Variants in CSMD2 observed in about 807,000 individuals in gnomAD.
CSMD2 encodes the protein CUB and Sushi multiple domains 2, also known as CUB and sushi domain-containing protein 2.
A neutral mutation model predicts 398.5 loss-of-function variants in CSMD2; 130 were observed. That is an observed-to-expected ratio of 0.33 (90% CI 0.28 to 0.38). The LOEUF is 0.38. Among genes scored for constraint, CSMD2 ranks in the 10% least tolerant of loss-of-function variants. The pLI is 1.00. For missense variants in CSMD2, 3,829 were observed against 4,764.9 expected (o/e 0.80, Z 5.78); for synonymous variants, 1,828 against 1,908.5 (o/e 0.96, Z 1.10).
chr1:34,148,308 T>C (rs1468387318), intron 1 of CSMD2, among the ~76,000 whole-genome samples: 1 of 152,186 alleles, frequency 6.6e-6, no homozygotes, highest in Admixed American at 6.5e-5. Flanking sequence ...AGAGCAACTA[T>C]CTCATTGCTC....
chr1:33,993,109 T>C (rs946354575), intron 3 of CSMD2, among the ~76,000 whole-genome samples: 9 of 152,168 alleles, frequency 5.9e-5, no homozygotes, highest in African/African-American at 2.2e-4. Flanking sequence ...TATATGTCTG[T>C]GTCTATGTAT....
intron 60 of CSMD2, among the ~76,000 whole-genome samples, chr1:33,540,138 G>GA (rs1008691303): frequency 5.9e-5 from 9 of 151,958 alleles, no homozygotes; most frequent in Admixed American, 2.0e-4. Context: ...CAACTCACCA[G>GA]AAAATCACAG....
At chr1:33,680,589 T>G (rs1269188990) in intron 25 of CSMD2, among the ~76,000 whole-genome samples, 1 of 152,222 alleles carries the variant, frequency 6.6e-6, no homozygotes, top group Non-Finnish European at 1.5e-5. Flanking sequence ...GTAGCACTTC[T>G]GTGCTCTGGG....
intron 49 of CSMD2, among the ~76,000 whole-genome samples, chr1:33,573,070 T>A (rs1268553809): frequency 2.4e-4 from 36 of 152,182 alleles, no homozygotes; most frequent in Admixed American, 2.1e-3. Flanking sequence ...TTAGGATGAA[T>A]TAGGGCTGTT....
rs142035256 is a variant in CSMD2 at position 33,577,486 on chromosome 1, T to C, written c.7388-2A>G. On this transcript the variant is annotated splice_acceptor_variant, in intron 48 of 70. Coordinates refer to ENST00000373381, the MANE Select transcript of CSMD2 (RefSeq NM_001281956.2). LOFTEE classifies it high-confidence loss of function. ...CCCTGGGCAGGCTGCAGTAAGGGGCTGAACAACAAGATGAGGTTCAGGGAA... is the reference window on the plus strand; with the variant it reads ...CCCTGGGCAGGCTGCAGTAAGGGGCCGAACAACAAGATGAGGTTCAGGGAA... The C allele has an allele frequency of 6.2e-7, 1 of 1,604,148 alleles. No homozygotes were observed. Among genetic ancestry groups the C allele is most frequent in the African/African-American group, 1.3e-5 (1 of 74,756 alleles).
intron 1 of CSMD2, among the ~76,000 whole-genome samples, chr1:34,107,366 A>G (rs1357506799): frequency 6.6e-6 from 1 of 152,112 alleles, no homozygotes; most frequent in African/African-American, 2.4e-5. Context: ...TATAATAATA[A>G]TAATATATTA....
intron 13 of CSMD2, among the ~76,000 whole-genome samples, chr1:33,755,347 T>G (rs1648836820): frequency 6.6e-6 from 1 of 152,218 alleles, no homozygotes; most frequent in South Asian, 2.1e-4. Flanking sequence ...AAGTTATCAT[T>G]TAACTATGTT....
chr1:33,645,460 A>C (rs1308532679), intron 29 of CSMD2, among the ~76,000 whole-genome samples: 1 of 152,112 alleles, frequency 6.6e-6, no homozygotes, highest in Non-Finnish European at 1.5e-5. Context: ...TATTACTAGC[A>C]ACAATTTGTA....
intron 65 of CSMD2, among the ~76,000 whole-genome samples, 174 bp from the exon 66 acceptor site, chr1:33,525,217 G>T (rs977087381): frequency 2.6e-5 from 4 of 152,152 alleles, no homozygotes; most frequent in Non-Finnish European, 2.9e-5. Context: ...TCTCAGAGTG[G>T]ATGGATAGAG....
At position 33,930,836 on chromosome 1, in the gene CSMD2, C is replaced by T. The variant is rs76728189; in HGVS notation, c.712+4924G>A. 1.9e-3 allele frequency among the ~76,000 whole-genome samples: 288 copies of T among 152,328 alleles called. 2 individuals are homozygous for T. The highest frequency in any genetic ancestry group is 3.0e-3 in the Non-Finnish European group (201 of 68,032). ...TCAGCTGGACCAAGCCTTGATGGGT[C>T]AGGATCTTTGGGATGGGCCTCCTTG... On this transcript the variant is annotated intron_variant, in intron 4 of 70. Coordinates refer to ENST00000373381, the MANE Select transcript of CSMD2 (RefSeq NM_001281956.2).
intron 3 of CSMD2, among the ~76,000 whole-genome samples, chr1:33,997,236 G>A (rs976674689): frequency 3.9e-5 from 6 of 152,218 alleles, no homozygotes; most frequent in Non-Finnish European, 8.8e-5. Context: ...GAGCTGCAGA[G>A]GCTGGGATCA....
chr1:33,769,274 C>T (rs1193862076), intron 13 of CSMD2, among the ~76,000 whole-genome samples: 1 of 152,222 alleles, frequency 6.6e-6, no homozygotes, highest in Non-Finnish European at 1.5e-5. Context: ...AGCTTTCCCA[C>T]CATGACAGCC....
At chr1:34,076,928 A>AAAATATATAT (rs1232288848) in intron 2 of CSMD2, among the ~76,000 whole-genome samples, 9 of 53,592 alleles carry the variant, frequency 1.7e-4, no homozygotes, top group Non-Finnish European at 2.6e-4. Flanking sequence ...AAAAAAAAAA[A>AAAATATATAT]ATATATATAT....
intron 3 of CSMD2, among the ~76,000 whole-genome samples, chr1:34,013,713 G>A (rs990816234): frequency 6.6e-6 from 1 of 152,190 alleles, no homozygotes; most frequent in Non-Finnish European, 1.5e-5. Context: ...GGGGCAAAGG[G>A]CACTCTCTGA....
intron 26 of CSMD2, among the ~76,000 whole-genome samples, chr1:33,662,236 AG>A (rs1644161275): frequency 6.6e-6 from 1 of 152,020 alleles, no homozygotes; most frequent in African/African-American, 2.4e-5. Context: ...GTTCACTTCC[AG>A]TCTTTGCTGA....
intron 32 of CSMD2, among the ~76,000 whole-genome samples, chr1:33,630,782 AG>A (rs1642421817): frequency 1.3e-5 from 2 of 152,226 alleles, no homozygotes; most frequent in African/African-American, 4.8e-5. Flanking sequence ...CCATATTCTT[AG>A]GGGAAAAGAA....
At chr1:34,165,792 G>A (rs772682510), upstream of CSMD2, 8 of 1,613,910 alleles carry the variant, frequency 5.0e-6, no homozygotes, top group African/African-American at 2.7e-5. Context: ...CTAGGGCCGG[G>A]GGCGATGCTT....
At chr1:33,529,719 T>C (rs1244732374) in intron 64 of CSMD2, among the ~76,000 whole-genome samples, 1 of 152,240 alleles carries the variant, frequency 6.6e-6, no homozygotes, top group African/African-American at 2.4e-5. Flanking sequence ...TGACCTTGGA[T>C]GTATCACAGT....
chr1:34,106,472 A>C (rs2148428289), intron 1 of CSMD2, among the ~76,000 whole-genome samples: 1 of 152,328 alleles, frequency 6.6e-6, no homozygotes. Flanking sequence ...TAGCAATGGA[A>C]AAGCTGAGAT....
Sources: allele counts gnomAD v4.1 joint callset (sites outside exome capture counted in the v4.1 genomes callset), GRCh38; gene constraint gnomAD v4.1.1; transcripts MANE v1.5; gene names NCBI Gene and HGNC (gene_info 2026-07-23, HGNC 2026-07-21).